The following PAPPA2 variants were observed in gnomAD, a reference collection of about 807,000 sequenced individuals.
PAPPA2 encodes pappalysin 2.
Under a neutral mutation model 176.4 loss-of-function variants are expected in PAPPA2, and 86 were observed. The ratio of observed to expected loss-of-function variants is 0.49; its 90% CI spans 0.41 to 0.58. PAPPA2 has a LOEUF of 0.58. PAPPA2 is among the 20% of genes least tolerant of loss of function. The probability of loss-of-function intolerance (pLI) is 0.00; values close to 1 mark genes in which losing one functional copy is unlikely to be tolerated. For synonymous variants in PAPPA2, 809 were observed against 852.2 expected (o/e 0.95, Z 0.88); for missense variants, 2,073 against 2,256.9 (o/e 0.92, Z 1.65).
chr1:176,722,122 G>A (rs1054573885), intron 12 of PAPPA2, among the ~76,000 whole-genome samples: 8 of 152,012 alleles, frequency 5.3e-5, no homozygotes, highest in Non-Finnish European at 1.2e-4. Flanking sequence ...TCATCTTACA[G>A]TCTATTTAAA....
At chr1:176,482,164 G>A (rs563148816) in intron 1 of PAPPA2, among the ~76,000 whole-genome samples, 4 of 152,194 alleles carry the variant, frequency 2.6e-5, no homozygotes, top group Non-Finnish European at 4.4e-5. Context: ...AGAGGTAAAA[G>A]AGGACAGCCA....
chr1:176,780,921 GCTA>G (rs1463107456), intron 17 of PAPPA2, among the ~76,000 whole-genome samples: 1 of 152,102 alleles, frequency 6.6e-6, no homozygotes, highest in African/African-American at 2.4e-5. Flanking sequence ...GTGAAATAAT[GCTA>G]ATAGCTATTG....
chr1:176,591,436 T>C (rs1462458830), intron 2 of PAPPA2, among the ~76,000 whole-genome samples: 2 of 152,208 alleles, frequency 1.3e-5, no homozygotes, highest in Admixed American at 1.3e-4. Flanking sequence ...TCTGCTATGT[T>C]ATGACCATGT....
intron 14 of PAPPA2, among the ~76,000 whole-genome samples, chr1:176,746,422 TAG>T (rs1451818844): frequency 6.6e-6 from 1 of 152,144 alleles, no homozygotes; most frequent in Non-Finnish European, 1.5e-5. Flanking sequence ...TTCTTTTTTT[TAG>T]AGACAGGAGT....
chr1:176,512,336 T>G (rs901484708), intron 1 of PAPPA2, among the ~76,000 whole-genome samples: 1 of 152,008 alleles, frequency 6.6e-6, no homozygotes, highest in Admixed American at 6.6e-5. Context: ...TGGAAAAAAG[T>G]TTGGCAGTTT....
In PAPPA2 at chr1:176,842,393, C is replaced by T. The variant is rs1330524648; in HGVS notation, c.5315C>T (p.Ala1772Val). The T allele has an allele frequency of 6.2e-7, 1 of 1,613,246 alleles. No individual in the cohort carries two copies. ...TLSSKKVIPFAADCDLDECTC... is the reference protein window; with the variant it reads ...TLSSKKVIPFVADCDLDECTC... ...TCATTCCCCTAGGTCATTCCATTTG[C>T]TGCTGACTGTGACCTGGATGAGTGC... Residue 1772 changes from alanine to valine, a missense_variant, in exon 23 of 23, where the codon GCT (alanine) becomes GTT (valine). By Grantham distance (64) the Ala-to-Val change is moderately conservative. Coordinates refer to ENST00000367662, the MANE Select transcript of PAPPA2 (RefSeq NM_020318.3).
chr1:176,575,066 G>A (rs759608659), intron 2 of PAPPA2, among the ~76,000 whole-genome samples: 8 of 152,190 alleles, frequency 5.3e-5, no homozygotes, highest in Non-Finnish European at 1.5e-5. Context: ...CACCCAGGCA[G>A]TAGGTGATGA....
In PAPPA2 at chr1:176,829,289, G is replaced by GGA. The variant is rs550144882; in HGVS notation, c.5203-10884_5203-10883insGA. 5.2e-3 allele frequency among the ~76,000 whole-genome samples: 756 copies of GGA among 145,062 alleles called. 12 individuals carry two copies. The highest frequency in any genetic ancestry group is 0.018 in the African/African-American group (725 of 39,738). The stretch of plus-strand genomic sequence containing the variant: ...GAGGGAGAGAATGAGAGAGAATGGG[G>GGA]AAAAAAAAAAAGATGCTCAGCAAAC... On this transcript the variant is annotated intron_variant, in intron 21 of 22. Transcript: ENST00000367662.
chr1:176,520,997 T>A lies in PAPPA2; in HGVS notation c.-916-34410T>A, dbSNP rs1649185398. On this transcript the variant is annotated intron_variant, in intron 1 of 22. Coordinates refer to ENST00000367662, the MANE Select transcript of PAPPA2 (RefSeq NM_020318.3). Reference sequence around the variant, plus strand: ...AGAGAAATAGACCTAGTGGTTCTCGTAAGACTTTCTCTTTGCAAGAGCTTG... The same window carrying A: ...AGAGAAATAGACCTAGTGGTTCTCGAAAGACTTTCTCTTTGCAAGAGCTTG... 3.9e-5 allele frequency among the ~76,000 whole-genome samples: 6 copies of A among 152,096 alleles called. No homozygotes were observed. In the South Asian group the frequency reaches 1.2e-3, roughly 31 times the overall value.
intron 12 of PAPPA2, among the ~76,000 whole-genome samples, chr1:176,716,235 T>C (rs998002890): frequency 4.1e-4 from 62 of 150,436 alleles, no homozygotes; most frequent in South Asian, 2.9e-3. Flanking sequence ...CTCTTTCTTT[T>C]TTTTTTTTTT....
intron 21 of PAPPA2, among the ~76,000 whole-genome samples, chr1:176,819,175 G>A (rs1666554192): frequency 6.6e-6 from 1 of 152,176 alleles, no homozygotes; most frequent in Non-Finnish European, 1.5e-5. Context: ...GTCAGGGGGA[G>A]GGTCAGCAGC....
intron 3 of PAPPA2, among the ~76,000 whole-genome samples, chr1:176,620,569 A>G (rs1014394879): frequency 1.3e-5 from 2 of 152,222 alleles, no homozygotes; most frequent in African/African-American, 4.8e-5. Context: ...CAACTACTTC[A>G]TATTATTGTT....
chr1:176,764,737 C>CT (rs1331857623), intron 14 of PAPPA2, among the ~76,000 whole-genome samples: 1 of 152,072 alleles, frequency 6.6e-6, no homozygotes, highest in Non-Finnish European at 1.5e-5. Flanking sequence ...GCTGGGACTA[C>CT]AGGTGCCTGC....
chr1:176,775,896 C>T (rs754337819), intron 17 of PAPPA2, among the ~76,000 whole-genome samples: 19 of 152,260 alleles, frequency 1.2e-4, no homozygotes, highest in Non-Finnish European at 2.4e-4. Flanking sequence ...GATTTTAACA[C>T]GTCTCTGAGA....
intron 3 of PAPPA2, among the ~76,000 whole-genome samples, chr1:176,637,079 G>T (rs1656738147): frequency 6.6e-6 from 1 of 152,056 alleles, no homozygotes; most frequent in Non-Finnish European, 1.5e-5. Flanking sequence ...CTTGGTAAGG[G>T]GAGGAGTAGG....
Position 176,485,973 on chromosome 1 carries a change from G to A in PAPPA2, c.-917+22555G>A, listed in dbSNP as rs897244925. Among the ~76,000 whole-genome samples, 16 of 152,206 alleles carry A rather than the reference G, an allele frequency of 1.1e-4. No individual in the cohort carries two copies. The East Asian group carries it at 2.9e-3, about 27-fold the overall frequency. ...GGAAAGGGGATTTGGGCTTCTAGGGGTGATAAATTGTGGGAAAATGACTAG... is the reference window on the plus strand; with the variant it reads ...GGAAAGGGGATTTGGGCTTCTAGGGATGATAAATTGTGGGAAAATGACTAG... On this transcript the variant is annotated intron_variant, in intron 1 of 22. Transcript: ENST00000367662.
At chr1:176,638,477 A>G (rs1368833713) in intron 3 of PAPPA2, among the ~76,000 whole-genome samples, 1 of 152,074 alleles carries the variant, frequency 6.6e-6, no homozygotes, top group Non-Finnish European at 1.5e-5. Context: ...TGGCAGCCTC[A>G]GCAGAGCCAT....
At chr1:176,494,508 C>T (rs777774364) in intron 1 of PAPPA2, among the ~76,000 whole-genome samples, 4 of 152,262 alleles carry the variant, frequency 2.6e-5, no homozygotes, top group Middle Eastern at 6.8e-3. Flanking sequence ...CAACTTGCAC[C>T]AGCAAAACTT....
At chr1:176,486,971 C>T (rs1201660409) in intron 1 of PAPPA2, among the ~76,000 whole-genome samples, 2 of 151,620 alleles carry the variant, frequency 1.3e-5, no homozygotes, top group Admixed American at 6.6e-5. Context: ...GAAGTGAAAC[C>T]AAATCTGGAA....
Sources: gnomAD v4.1 joint callset for allele counts (sites outside exome capture counted in the v4.1 genomes callset) on GRCh38, gnomAD v4.1.1 for gene constraint, MANE v1.5 for transcripts, NCBI Gene and HGNC (gene_info 2026-07-23, HGNC 2026-07-21) for gene names.